FAR1: variants seen among roughly 807,000 people sequenced by gnomAD.
FAR1 encodes the protein fatty acyl-CoA reductase 1, also known as male sterility domain-containing protein 2.
A neutral mutation model predicts 61.1 loss-of-function variants in FAR1; 22 were observed. The observed-to-expected ratio is 0.36, with a 90% CI of 0.26 to 0.51. The LOEUF is 0.51. Among genes scored for constraint, FAR1 ranks in the 20% least tolerant of loss-of-function variants. The probability of loss-of-function intolerance (pLI) is 0.95; values close to 1 mark genes in which losing one functional copy is unlikely to be tolerated. For synonymous variants in FAR1, 206 were observed against 209.7 expected (o/e 0.98, Z 0.15); for missense variants, 359 against 626.9 (o/e 0.57, Z 4.56).
Position 13,728,887 on chromosome 11 carries a change from G to T in FAR1, c.*113G>T. The T allele has an allele frequency of 3.2e-6, 3 of 940,032 alleles. No individual in the cohort carries two copies. Among genetic ancestry groups the T allele is most frequent in the South Asian group, 3.5e-5 (2 of 56,528 alleles). The allele number at this position is 940,032 out of a possible 1,614,324, so 58.2% of individuals were successfully genotyped here. A position where few individuals can be genotyped will look rare whatever the true frequency, so the allele number is the denominator to read the frequency against. ...CAAGACATTAAACCATCTTAGATCG[G>T]AGTGTGAAGTAAATTATGGTATATT... is the stretch of plus-strand genomic sequence containing the variant. On this transcript the variant is annotated 3_prime_UTR_variant, in exon 12 of 12. Transcript: ENST00000354817.
At chr11:13,727,731 T>G (rs1270997288) in intron 11 of FAR1, 48 bp downstream of exon 11, 7 of 1,533,054 alleles carry the variant, frequency 4.6e-6, no homozygotes, top group Non-Finnish European at 5.3e-6. Context: ...CCTTATGAAA[T>G]ATTCCACAAT....
chr11:13,716,516 C>G (rs763990806), intron 9 of FAR1, among the ~76,000 whole-genome samples: 2 of 152,228 alleles, frequency 1.3e-5, no homozygotes, highest in East Asian at 1.9e-4. Context: ...AGCAAGGGGA[C>G]TGATGTTACT....
At chr11:13,717,240 C>T (rs912713793) in intron 9 of FAR1, among the ~76,000 whole-genome samples, 1 of 151,894 alleles carries the variant, frequency 6.6e-6, no homozygotes, top group African/African-American at 2.4e-5. Flanking sequence ...GGTCAATTGG[C>T]GGATGACGCT....
intron 1 of FAR1, among the ~76,000 whole-genome samples, chr11:13,673,233 A>T (rs974371048): frequency 6.6e-6 from 1 of 152,232 alleles, no homozygotes; most frequent in African/African-American, 2.4e-5. Context: ...CAGAGAGGAA[A>T]GAGTTGCGTA....
At chr11:13,719,655 CT>C (rs1248052761) in intron 9 of FAR1, among the ~76,000 whole-genome samples, 1 of 152,244 alleles carries the variant, frequency 6.6e-6, no homozygotes, top group East Asian at 1.9e-4. Flanking sequence ...TATTTTTAAT[CT>C]GTGTACTTCT....
intron 9 of FAR1, among the ~76,000 whole-genome samples, chr11:13,718,215 A>G (rs1345630417): frequency 1.3e-5 from 2 of 152,192 alleles, no homozygotes; most frequent in African/African-American, 4.8e-5. Context: ...AGTCTTAGCA[A>G]AGGATTCATC....
chr11:13,727,251 CT>C (rs773194892), intron 10 of FAR1, among the ~76,000 whole-genome samples: 3 of 151,104 alleles, frequency 2.0e-5, no homozygotes, highest in East Asian at 1.9e-4. Context: ...ATAATTTTGT[CT>C]TTTTTTTTCT....
At position 13,700,306 on chromosome 11, in the gene FAR1, C is replaced by T; in HGVS notation, c.190-11C>T. 1 of 1,540,016 alleles carries T rather than the reference C, an allele frequency of 6.5e-7. No homozygotes were observed. The highest frequency in any genetic ancestry group is 2.2e-5 in the Admixed American group (1 of 44,516). On this transcript the variant is annotated splice_polypyrimidine_tract_variant and intron_variant, in intron 2 of 11. Coordinates refer to ENST00000354817, the MANE Select transcript of FAR1 (RefSeq NM_032228.6). ...TACTGCTGTAAAATAAATATTTTTC[C>T]CTCTTGATAGCTTTTTGACAGATTG...
chr11:13,708,431 ATGTGCG>A (rs1565348050), intron 4 of FAR1, among the ~76,000 whole-genome samples: 1 of 123,534 alleles, frequency 8.1e-6, no homozygotes, highest in African/African-American at 3.2e-5. Context: ...CCCCATATAC[ATGTGCG>A]CGCGCGCGCG....
chr11:13,694,727 A>T, intron 1 of FAR1, 32 bp from the exon 2 acceptor site: 2 of 1,543,658 alleles, frequency 1.3e-6, no homozygotes, highest in Non-Finnish European at 1.8e-6. Flanking sequence ...GTGAATCCTT[A>T]AACTAATGCT....
intron 1 of FAR1, among the ~76,000 whole-genome samples, chr11:13,672,544 C>CAAAAAA (rs34377920): frequency 1.1e-3 from 128 of 111,510 alleles, no homozygotes; most frequent in African/African-American, 4.3e-3. Flanking sequence ...GACCCTGTCT[C>CAAAAAA]AAAAAAAAAA....
chr11:13,721,178 C>T lies in FAR1; in HGVS notation c.1128-552C>T, dbSNP rs1467377807. The stretch of plus-strand genomic sequence containing the variant: ...ACATCCAGATGATCAAGAGTGGTGC[C>T]AATCATTGTTAAAGAAAAGTTGTTT... On this transcript the variant is annotated intron_variant, in intron 9 of 11. Coordinates refer to ENST00000354817, the MANE Select transcript of FAR1 (RefSeq NM_032228.6). The surrounding 1 kb of genome is among the most constrained non-coding windows in gnomAD (Gnocchi z 4.2). 1 of 152,298 alleles carries T rather than the reference C, an allele frequency of 6.6e-6. No individual in the cohort carries two copies. The highest frequency in any genetic ancestry group is 1.9e-4 in the East Asian group (1 of 5,166). 9.4% of individuals were successfully genotyped at this position (152,298 alleles called of 1,614,324 possible).
rs945444859 is a variant in FAR1 at position 13,711,067 on chromosome 11, A to G, written c.723+197A>G. On this transcript the variant is annotated intron_variant, in intron 5 of 11. Coordinates refer to ENST00000354817, the MANE Select transcript of FAR1 (RefSeq NM_032228.6). ...ATAATGTGACGCTGGGTATATAGAA[A>G]TGTAGATCAACATTTAAAAAATCCT... The G allele has an allele frequency of 1.2e-5, 6 of 517,172 alleles. 1 individual carries two copies. Among genetic ancestry groups the G allele is most frequent in the South Asian group, 5.6e-5 (2 of 35,560 alleles). The allele number at this position is 517,172 out of a possible 1,614,324, so 32.0% of individuals were successfully genotyped here.
intron 1 of FAR1, among the ~76,000 whole-genome samples, chr11:13,682,106 T>TG (rs1848133843): frequency 6.6e-6 from 1 of 152,212 alleles, no homozygotes; most frequent in Non-Finnish European, 1.5e-5. Flanking sequence ...CTATAGGTCA[T>TG]GTCATCCTTT....
intron 9 of FAR1, among the ~76,000 whole-genome samples, chr11:13,715,145 G>A (rs190215146): frequency 2.0e-5 from 3 of 152,174 alleles, no homozygotes; most frequent in Admixed American, 6.5e-5. Flanking sequence ...CAGAAACCGC[G>A]GTAAGAAGAA....
At chr11:13,672,634 A>AG (rs751693936) in intron 1 of FAR1, among the ~76,000 whole-genome samples, 12 of 151,644 alleles carry the variant, frequency 7.9e-5, no homozygotes, top group Non-Finnish European at 1.5e-4. Flanking sequence ...AAATGTGGGT[A>AG]GGCTAGTCTG....
Position 13,730,146 on chromosome 11 carries a change from TTAGA to T in FAR1, c.*1375_*1378del, listed in dbSNP as rs1250165284. The T allele has an allele frequency of 1.3e-5, 2 of 152,440 alleles. No individual in the cohort carries two copies. The highest frequency in any genetic ancestry group is 2.9e-5 in the Non-Finnish European group (2 of 67,880). 9.4% of individuals were successfully genotyped at this position (152,440 alleles called of 1,614,324 possible). A position where few individuals can be genotyped will look rare whatever the true frequency, so the allele number is the denominator to read the frequency against. On this transcript the variant is annotated 3_prime_UTR_variant, in exon 12 of 12. Transcript: ENST00000354817. ...ATTAAGTTTATCAAGTTGTACTGTA[TTAGA>T]TAATCAGCAGTGTATCTGGAGTATG...
At chr11:13,710,909 G>T in intron 5 of FAR1, 39 bp downstream of exon 5, 1 of 1,559,550 alleles carries the variant, frequency 6.4e-7, no homozygotes, top group Non-Finnish European at 8.7e-7. Context: ...CTGGAGTTGA[G>T]AATTTTAAGT....
intron 2 of FAR1, among the ~76,000 whole-genome samples, chr11:13,695,717 T>TA (rs1848300637): frequency 6.6e-6 from 1 of 152,172 alleles, no homozygotes; most frequent in African/African-American, 2.4e-5. Context: ...ATAGGCCTCT[T>TA]AAAAAATCCT....
Sources: allele counts gnomAD v4.1 joint callset (sites outside exome capture counted in the v4.1 genomes callset), GRCh38; gene constraint gnomAD v4.1.1; non-coding constraint Gnocchi (gnomAD v3.1); transcripts MANE v1.5; gene names NCBI Gene and HGNC (gene_info 2026-07-23, HGNC 2026-07-21).